The following SNTB1 variants were observed in gnomAD, a reference collection of about 807,000 sequenced individuals.
SNTB1 encodes syntrophin beta 1.
Under a neutral mutation model 48.9 loss-of-function variants are expected in SNTB1, and 36 were observed. That is an observed-to-expected ratio of 0.74 (90% confidence interval 0.56 to 0.97). SNTB1 has a LOEUF of 0.97. Among genes scored for constraint, SNTB1 ranks in the 50% least tolerant of loss-of-function variants. SNTB1 has a pLI of 0.00. For missense variants in SNTB1, 786 were observed against 703.4 expected (o/e 1.12, Z -1.33); for synonymous variants, 299 against 294.6 (o/e 1.01, Z -0.15).
chr8:120,661,149 C>T (rs1314985699), intron 2 of SNTB1, among the ~76,000 whole-genome samples: 1 of 151,498 alleles, frequency 6.6e-6, no homozygotes, highest in African/African-American at 2.4e-5. Flanking sequence ...AAAAATGGTG[C>T]CTGGAGACTT....
chr8:120,633,787 G>A (rs2130755387), intron 2 of SNTB1, among the ~76,000 whole-genome samples: 1 of 152,278 alleles, frequency 6.6e-6, no homozygotes, highest in South Asian at 2.1e-4. Context: ...TGAAGTAGTT[G>A]TAGATTAGCA....
At chr8:120,646,228 T>A (rs1479726594) in intron 2 of SNTB1, among the ~76,000 whole-genome samples, 1 of 131,518 alleles carries the variant, frequency 7.6e-6, no homozygotes, top group Non-Finnish European at 1.6e-5. Context: ...AGAGAGGGCA[T>A]CCCTGTCTTG....
At chr8:120,646,969 T>C (rs1196058655) in intron 2 of SNTB1, among the ~76,000 whole-genome samples, 1 of 151,994 alleles carries the variant, frequency 6.6e-6, no homozygotes, top group Non-Finnish European at 1.5e-5. Flanking sequence ...GTTTGTAGTA[T>C]TCTCTGATGG....
At chr8:120,735,821 G>C (rs181678160) in intron 1 of SNTB1, among the ~76,000 whole-genome samples, 2 of 152,294 alleles carry the variant, frequency 1.3e-5, no homozygotes, top group East Asian at 3.9e-4. Context: ...TCCTAGGAAG[G>C]AGGAAGAACA....
At chr8:120,601,108 C>T (rs888817184) in intron 3 of SNTB1, among the ~76,000 whole-genome samples, 2 of 152,188 alleles carry the variant, frequency 1.3e-5, no homozygotes, top group African/African-American at 4.8e-5. Context: ...GTGCTGTCTG[C>T]TAGCGCTGCT....
At chr8:120,753,952 T>C (rs1819266751) in intron 1 of SNTB1, among the ~76,000 whole-genome samples, 1 of 152,196 alleles carries the variant, frequency 6.6e-6, no homozygotes, top group African/African-American at 2.4e-5. Flanking sequence ...CCTGCAATCA[T>C]AGATACATTC....
chr8:120,641,058 TTC>T (rs1476898066), intron 2 of SNTB1, among the ~76,000 whole-genome samples: 1 of 152,110 alleles, frequency 6.6e-6, no homozygotes, highest in Non-Finnish European at 1.5e-5. Context: ...TTCTTCCTCT[TTC>T]TTCATTCATA....
chr8:120,680,907 G>T (rs373264388), intron 2 of SNTB1, among the ~76,000 whole-genome samples: 2 of 151,650 alleles, frequency 1.3e-5, no homozygotes, highest in Non-Finnish European at 2.9e-5. Context: ...TACGGACATG[G>T]GCTAAAATGA....
intron 1 of SNTB1, among the ~76,000 whole-genome samples, chr8:120,792,267 G>T (rs1367086880): frequency 7.1e-6 from 1 of 140,774 alleles, no homozygotes; most frequent in Non-Finnish European, 1.5e-5. Flanking sequence ...ACTAAATACT[G>T]TATGTTCTCA....
intron 3 of SNTB1, among the ~76,000 whole-genome samples, chr8:120,608,750 A>C (rs1351813113): frequency 6.6e-6 from 1 of 152,244 alleles, no homozygotes; most frequent in African/African-American, 2.4e-5. Flanking sequence ...ATACAGGAGA[A>C]CACATTTTGG....
chr8:120,615,326 G>A (rs942573924), intron 3 of SNTB1, among the ~76,000 whole-genome samples: 2 of 152,048 alleles, frequency 1.3e-5, no homozygotes, highest in Admixed American at 6.6e-5. Flanking sequence ...TCAACATGAC[G>A]GATCCAACAA....
intron 3 of SNTB1, among the ~76,000 whole-genome samples, chr8:120,576,332 C>G (rs1296762656): frequency 6.6e-6 from 1 of 152,126 alleles, no homozygotes; most frequent in African/African-American, 2.4e-5. Context: ...AGACAGTAAG[C>G]TAAATAAGTG....
chr8:120,675,664 G>A (rs1817822102), intron 2 of SNTB1, among the ~76,000 whole-genome samples: 1 of 152,198 alleles, frequency 6.6e-6, no homozygotes, highest in African/African-American at 2.4e-5. Context: ...TTGTGGGAAG[G>A]CCTGGAAATG....
intron 3 of SNTB1, among the ~76,000 whole-genome samples, chr8:120,624,386 G>C (rs1816841772): frequency 6.6e-6 from 1 of 152,200 alleles, no homozygotes; most frequent in South Asian, 2.1e-4. Flanking sequence ...ATGCACATGA[G>C]AGAATCTGGA....
At chr8:120,708,415 C>A (rs967189510) in intron 1 of SNTB1, among the ~76,000 whole-genome samples, 12 of 151,972 alleles carry the variant, frequency 7.9e-5, no homozygotes, top group African/African-American at 2.2e-4. Flanking sequence ...TCAAACTATT[C>A]CAGAGACTAG....
In SNTB1 at chr8:120,811,830, GCCGCTA is replaced by G; in HGVS notation, c.8_13del (p.Val3_Ala4del). 7.4e-7 allele frequency: 1 copy of G among 1,343,954 alleles called. No homozygotes were observed. 83.3% of individuals were successfully genotyped at this position (1,343,954 alleles called of 1,614,324 possible). On this transcript the variant is annotated inframe_deletion, in exon 1 of 7. Transcript: ENST00000517992. The stretch of plus-strand genomic sequence containing the variant: ...AGCCGGCCCAGCCGCCGCCGCCGCC[GCCGCTA>G]CCGCCATCTTTCCGGCATTCTTAAA...
At position 120,632,482 on chromosome 8, in the gene SNTB1, T is replaced by C; in HGVS notation, c.958A>G (p.Ser320Gly). 1 of 1,614,092 alleles carries C rather than the reference T, an allele frequency of 6.2e-7. No homozygotes were observed. The highest frequency in any genetic ancestry group is 8.5e-7 in the Non-Finnish European group (1 of 1,180,022). ...CAGCCAAGATGCCTAATCTCTCGGC[T>C]CCCAGCAATGCCTGTTTTCCCCAGC... is the stretch of plus-strand genomic sequence containing the variant. ...EQLGKTGIAG[S>G]REIRHLGWLA... The change falls in exon 3 of 7, where the codon AGC (serine) becomes GGC (glycine). Residue 320 changes from serine (S) to glycine (G), a missense_variant. Coordinates refer to ENST00000517992, the MANE Select transcript of SNTB1 (RefSeq NM_021021.4).
At chr8:120,656,460 A>G (rs1817505109) in intron 2 of SNTB1, among the ~76,000 whole-genome samples, 1 of 152,222 alleles carries the variant, frequency 6.6e-6, no homozygotes, top group Admixed American at 6.5e-5. Context: ...AAGTCAGCTA[A>G]TGTCAAAACT....
intron 1 of SNTB1, among the ~76,000 whole-genome samples, chr8:120,736,314 G>T (rs558337182): frequency 6.6e-6 from 1 of 152,238 alleles, no homozygotes; most frequent in Middle Eastern, 3.4e-3. Context: ...CCCTCAACTG[G>T]TGAATCATGG....
Sources: allele counts gnomAD v4.1 joint callset (sites outside exome capture counted in the v4.1 genomes callset), GRCh38; gene constraint gnomAD v4.1.1; transcripts MANE v1.5; gene names NCBI Gene and HGNC (gene_info 2026-07-23, HGNC 2026-07-21).